SLC24A2: variants seen among roughly 807,000 people sequenced by gnomAD.
The protein encoded by SLC24A2 is sodium/potassium/calcium exchanger 2.
In SLC24A2, 36 loss-of-function variants were observed where a neutral mutation model predicts 62.0. The ratio of observed to expected loss-of-function variants is 0.58; its 90% confidence interval spans 0.44 to 0.77. The LOEUF (loss-of-function observed/expected upper bound fraction) is 0.77, where lower values mean the gene tolerates loss of function less well. Among genes scored for constraint, SLC24A2 ranks in the 30% least tolerant of loss-of-function variants. SLC24A2 has a pLI of 0.00. For missense variants in SLC24A2, 846 were observed against 817.9 expected, an observed-to-expected ratio of 1.03 and a Z score of -0.42; for synonymous variants, 358 against 294.0, an observed-to-expected ratio of 1.22 and a Z score of -2.23.
At chr9:19,779,384 A>T (rs985115518) in intron 2 of SLC24A2, among the ~76,000 whole-genome samples, 5 of 152,250 alleles carry the variant, frequency 3.3e-5, no homozygotes, top group African/African-American at 1.2e-4. Flanking sequence ...TTTCTTATAA[A>T]GGAGCAATGT....
chr9:19,544,809 G>C (rs368765696), intron 8 of SLC24A2, among the ~76,000 whole-genome samples: 2 of 152,154 alleles, frequency 1.3e-5, no homozygotes, highest in South Asian at 4.1e-4. Flanking sequence ...TTGGTCTGAT[G>C]GGCTTCCCTT....
the SLC24A2 span, among the ~76,000 whole-genome samples, chr9:19,995,959 T>C: frequency 6.6e-6 from 1 of 152,222 alleles, no homozygotes; most frequent in Non-Finnish European, 1.5e-5. Flanking sequence ...GACTGGATTC[T>C]TTGGGTAAAG....
chr9:20,224,302 T>C, the SLC24A2 span, among the ~76,000 whole-genome samples: 28 of 152,112 alleles, frequency 1.8e-4, 1 homozygote, highest in South Asian at 5.6e-3. Flanking sequence ...ATTTCTTATC[T>C]AGTTGCGAAA....
chr9:20,214,327 T>C, the SLC24A2 span, among the ~76,000 whole-genome samples: 3 of 152,078 alleles, frequency 2.0e-5, no homozygotes, highest in Admixed American at 6.5e-5. Flanking sequence ...CACTTAAAAT[T>C]TGTTGGCCAG....
At chr9:19,932,466 CA>C in the SLC24A2 span, among the ~76,000 whole-genome samples, 1 of 151,854 alleles carries the variant, frequency 6.6e-6, no homozygotes, top group Non-Finnish European at 1.5e-5. Context: ...CAGCTGTAGC[CA>C]AAAAAACCAA....
At chr9:19,843,965 G>A in the SLC24A2 span, among the ~76,000 whole-genome samples, 1 of 152,170 alleles carries the variant, frequency 6.6e-6, no homozygotes, top group Non-Finnish European at 1.5e-5. Flanking sequence ...TTGCTATTGT[G>A]ACTAGTTCTG....
the SLC24A2 span, among the ~76,000 whole-genome samples, chr9:20,253,395 G>A: frequency 4.6e-5 from 7 of 152,270 alleles, no homozygotes; most frequent in African/African-American, 1.7e-4. Flanking sequence ...CTAGGTGAGT[G>A]GATACCTTGT....
intron 7 of SLC24A2, among the ~76,000 whole-genome samples, chr9:19,556,949 C>T (rs2132777377): frequency 6.6e-6 from 1 of 152,266 alleles, no homozygotes; most frequent in South Asian, 2.1e-4. Context: ...AAGCTGCAAT[C>T]ATAGATGTCT....
the SLC24A2 span, among the ~76,000 whole-genome samples, chr9:19,935,759 G>A: frequency 6.6e-6 from 1 of 152,148 alleles, no homozygotes; most frequent in South Asian, 2.1e-4. Flanking sequence ...CTAGTGTGAG[G>A]AACTCATAGG....
At chr9:19,948,027 A>C in the SLC24A2 span, among the ~76,000 whole-genome samples, 1 of 152,154 alleles carries the variant, frequency 6.6e-6, no homozygotes, top group Non-Finnish European at 1.5e-5. Context: ...TTAATTCAAA[A>C]GCCTGTAACA....
At chr9:19,761,736 G>GT (rs1158741338) in intron 2 of SLC24A2, among the ~76,000 whole-genome samples, 1 of 151,954 alleles carries the variant, frequency 6.6e-6, no homozygotes, top group African/African-American at 2.4e-5. Context: ...GCGGTGTTTG[G>GT]TTTTTTGTCC....
chr9:19,654,387 C>A (rs915974624), intron 2 of SLC24A2, among the ~76,000 whole-genome samples: 2 of 152,146 alleles, frequency 1.3e-5, no homozygotes, highest in Non-Finnish European at 2.9e-5. Context: ...TAAACCACAG[C>A]CTTTTCTCCT....
intron 2 of SLC24A2, among the ~76,000 whole-genome samples, chr9:19,779,730 A>C (rs548147743): frequency 6.6e-6 from 1 of 152,362 alleles, no homozygotes; most frequent in East Asian, 1.9e-4. Context: ...ATGAGGCTTA[A>C]AAAATGAAAG....
At chr9:20,227,181 C>A in the SLC24A2 span, among the ~76,000 whole-genome samples, 2 of 152,156 alleles carry the variant, frequency 1.3e-5, no homozygotes, top group South Asian at 2.1e-4. Context: ...CCATGACACA[C>A]AGACTCAATT....
the SLC24A2 span, among the ~76,000 whole-genome samples, chr9:19,918,380 A>G: frequency 8.4e-6 from 1 of 119,688 alleles, no homozygotes; most frequent in Non-Finnish European, 1.7e-5. Flanking sequence ...TAATGTGGCT[A>G]TTCTGCCTTT....
chr9:19,900,185 G>A, the SLC24A2 span, among the ~76,000 whole-genome samples: 1 of 152,156 alleles, frequency 6.6e-6, no homozygotes, highest in Non-Finnish European at 1.5e-5. Context: ...AACTGCTACT[G>A]CTTCTATCTT....
chr9:19,681,646 T>A (rs556452495), intron 2 of SLC24A2, among the ~76,000 whole-genome samples: 26 of 152,270 alleles, frequency 1.7e-4, no homozygotes, highest in Non-Finnish European at 3.8e-4. Flanking sequence ...TGCCCCTGGT[T>A]CATACTGCTC....
intron 4 of SLC24A2, among the ~76,000 whole-genome samples, chr9:19,608,306 T>C (rs1010791713): frequency 6.6e-6 from 1 of 151,644 alleles, no homozygotes; most frequent in African/African-American, 2.4e-5. Flanking sequence ...TTATGAAAGC[T>C]CATTTTGAAG....
the SLC24A2 span, among the ~76,000 whole-genome samples, chr9:20,225,341 C>CATGGATAAAT: frequency 1.3e-5 from 2 of 150,958 alleles, no homozygotes; most frequent in African/African-American, 2.4e-5. Flanking sequence ...TCAGTAGGAG[C>CATGGATAAAT]ATGGATAAAT....
Sources: allele counts gnomAD v4.1 joint callset (sites outside exome capture counted in the v4.1 genomes callset), GRCh38; gene constraint gnomAD v4.1.1; transcripts MANE v1.5; gene names NCBI Gene and HGNC (gene_info 2026-07-23, HGNC 2026-07-21).